The following TNPO3 variants were observed in gnomAD, a reference collection of about 807,000 sequenced individuals.
The protein encoded by TNPO3 is transportin 3.
TNPO3 carries 65 observed loss-of-function variants against 122.8 expected under a neutral mutation model. The ratio of observed to expected loss-of-function variants is 0.53; its 90% CI spans 0.43 to 0.65. The LOEUF (loss-of-function observed/expected upper bound fraction) is 0.65. TNPO3 is among the 30% of genes least tolerant of loss of function. The pLI, the probability that TNPO3 is intolerant of heterozygous loss-of-function variation, is 0.00. For synonymous variants in TNPO3, 372 were observed against 411.2 expected, an observed-to-expected ratio of 0.90 and a Z score of 1.15; for missense variants, 850 against 1,136.7, an observed-to-expected ratio of 0.75 and a Z score of 3.63.
At chr7:129,050,443 A>G (rs1250587710) in intron 1 of TNPO3, among the ~76,000 whole-genome samples, 2 of 151,990 alleles carry the variant, frequency 1.3e-5, no homozygotes, top group African/African-American at 4.8e-5. Flanking sequence ...CTTAAAACAA[A>G]AAAAGAAAAA....
chr7:129,004,989 AC>A, intron 5 of TNPO3, 26 bp downstream of exon 5: 2 of 1,589,810 alleles, frequency 1.3e-6, no homozygotes, highest in Non-Finnish European at 1.7e-6. Context: ...TGGCAGAAAT[AC>A]TTTGATAAAT....
chr7:128,982,371 T>C, intron 13 of TNPO3, 47 bp from the exon 14 acceptor site: 1 of 1,540,266 alleles, frequency 6.5e-7, no homozygotes, highest in Non-Finnish European at 9.0e-7. Flanking sequence ...CATGTACAAA[T>C]CTACAGCCAA....
Position 129,001,069 on chromosome 7 carries a change from C to G in TNPO3, c.862G>C (p.Asp288His), listed in dbSNP as rs758890890. 1 of 1,614,024 alleles carries G rather than the reference C, an allele frequency of 6.2e-7. No homozygotes were observed. The change falls in exon 6 of 23, where the codon GAT (aspartate) becomes CAT (histidine). Residue 288 changes from aspartate to histidine, a missense_variant. Physicochemically the swap from Asp to His is moderately conservative, Grantham distance 81. Transcript: ENST00000265388. ...TAAACAATTACTCACTTGTCTAAATCTTCACGTGCCACGGCCATATGATAG... is the reference window on the plus strand; with the variant it reads ...TAAACAATTACTCACTTGTCTAAATGTTCACGTGCCACGGCCATATGATAG... ...TAYHMAVARE[D>H]LDKVLNYCRI...
At chr7:128,978,709 G>A (rs1473652108) in intron 16 of TNPO3, among the ~76,000 whole-genome samples, 1 of 152,130 alleles carries the variant, frequency 6.6e-6, no homozygotes, top group African/African-American at 2.4e-5. Flanking sequence ...CCTGGCTGGA[G>A]TGCAGTGCAG....
chr7:129,021,566 G>A (rs769057354), intron 1 of TNPO3, among the ~76,000 whole-genome samples: 11 of 151,818 alleles, frequency 7.2e-5, no homozygotes, highest in Non-Finnish European at 4.4e-5. Flanking sequence ...AGAAAAGGTT[G>A]GAAGTATTAT....
chr7:129,027,917 A>G (rs1805447354), intron 1 of TNPO3, among the ~76,000 whole-genome samples: 1 of 152,216 alleles, frequency 6.6e-6, no homozygotes, highest in Non-Finnish European at 1.5e-5. Context: ...CACTCCTTAA[A>G]AAGACTGATA....
chr7:128,984,107 T>A, intron 13 of TNPO3, 61 bp downstream of exon 13: 1 of 1,112,682 alleles, frequency 9.0e-7, no homozygotes, highest in Non-Finnish European at 1.3e-6. Flanking sequence ...TAATTTCATC[T>A]TTTCATTTTT....
intron 21 of TNPO3, among the ~76,000 whole-genome samples, chr7:128,963,636 A>T (rs73463017): frequency 0.024 from 3,650 of 152,340 alleles, 74 homozygotes; most frequent in East Asian, 0.065. Flanking sequence ...TTTCTGGGGC[A>T]TACTGGGCTT....
At chr7:128,985,074 G>A (rs1212385455) in intron 12 of TNPO3, among the ~76,000 whole-genome samples, 1 of 151,908 alleles carries the variant, frequency 6.6e-6, no homozygotes, top group Non-Finnish European at 1.5e-5. Flanking sequence ...GTCCCTTCTA[G>A]GTCAAAAAAC....
At chr7:129,045,458 T>C (rs546015611) in intron 1 of TNPO3, among the ~76,000 whole-genome samples, 3 of 149,092 alleles carry the variant, frequency 2.0e-5, no homozygotes, top group Non-Finnish European at 4.4e-5. Context: ...ATCGCACCAC[T>C]GCACTCCAAC....
intron 5 of TNPO3, among the ~76,000 whole-genome samples, chr7:129,003,122 C>T (rs1802168096): frequency 6.7e-6 from 1 of 148,196 alleles, no homozygotes; most frequent in Non-Finnish European, 1.5e-5. Flanking sequence ...ACTCAGGAGG[C>T]TGAGGCAGGA....
At chr7:128,986,031 C>CTG (rs1800106317) in intron 12 of TNPO3, among the ~76,000 whole-genome samples, 1 of 152,206 alleles carries the variant, frequency 6.6e-6, no homozygotes, top group African/African-American at 2.4e-5. Flanking sequence ...GCACCCCAAT[C>CTG]TGTGTTCAGA....
rs1253380814 is a variant in TNPO3, at chr7:128,954,516, A to G, written c.*901T>C. The stretch of plus-strand genomic sequence containing the variant: ...AAAAAACCTTAAAAAACAAAAACTT[A>G]CACATTTATATCCTGCACTCCCCAC... On this transcript the variant is annotated 3_prime_UTR_variant, in exon 23 of 23. Transcript: ENST00000265388. 6.6e-6 allele frequency: 1 copy of G among 152,182 alleles called. No homozygotes were observed. The highest frequency in any genetic ancestry group is 1.9e-4 in the East Asian group (1 of 5,200). The allele number at this position is 152,182 out of a possible 1,614,324, so 9.4% of individuals were successfully genotyped here. A position where few individuals can be genotyped will look rare whatever the true frequency, so the allele number is the denominator to read the frequency against.
intron 21 of TNPO3, among the ~76,000 whole-genome samples, chr7:128,966,240 T>C (rs1448786653): frequency 6.6e-6 from 1 of 152,222 alleles, no homozygotes; most frequent in Non-Finnish European, 1.5e-5. Flanking sequence ...TATTTACTAG[T>C]ATAAGCTTCT....
At chr7:129,043,149 T>C (rs1807592979) in intron 1 of TNPO3, among the ~76,000 whole-genome samples, 1 of 151,822 alleles carries the variant, frequency 6.6e-6, no homozygotes, top group Admixed American at 6.6e-5. Flanking sequence ...ACCTGTCATC[T>C]CAGCACCTTG....
intron 1 of TNPO3, among the ~76,000 whole-genome samples, chr7:129,024,226 G>C (rs192257672): frequency 6.6e-6 from 1 of 152,302 alleles, no homozygotes; most frequent in East Asian, 1.9e-4. Flanking sequence ...CTGCTGGAGA[G>C]AATGTGGAAG....
chr7:128,979,924 G>GA, intron 15 of TNPO3, 47 bp downstream of exon 15: 1 of 1,574,864 alleles, frequency 6.3e-7, no homozygotes, highest in South Asian at 1.1e-5. Context: ...GCCCTGTAAG[G>GA]AAAAAAGAAG....
At chr7:129,017,924 A>G (rs1563104328) in intron 2 of TNPO3, 33 bp downstream of exon 2, 1 of 1,605,088 alleles carries the variant, frequency 6.2e-7, no homozygotes, top group Admixed American at 1.7e-5. Flanking sequence ...AAATGGCCAT[A>G]CAAATTTCTC....
At chr7:129,013,260 C>G (rs943597744) in intron 4 of TNPO3, among the ~76,000 whole-genome samples, 1 of 151,906 alleles carries the variant, frequency 6.6e-6, no homozygotes, top group Non-Finnish European at 1.5e-5. Context: ...ACCTCAAAAT[C>G]AAAGGCAACT....
Sources: gnomAD v4.1 joint callset for allele counts (sites outside exome capture counted in the v4.1 genomes callset) on GRCh38, gnomAD v4.1.1 for gene constraint, MANE v1.5 for transcripts, NCBI Gene and HGNC (gene_info 2026-07-23, HGNC 2026-07-21) for gene names.